ITGAD: variants seen among roughly 807,000 people sequenced by gnomAD.
ITGAD encodes integrin alpha-D.
In ITGAD, 105 loss-of-function variants were observed where a neutral mutation model predicts 139.0. The ratio of observed to expected loss-of-function variants is 0.76; its 90% confidence interval spans 0.65 to 0.89. The LOEUF (loss-of-function observed/expected upper bound fraction) is 0.89, where lower values mean the gene tolerates loss of function less well. Ranked by LOEUF, ITGAD falls within the 40% of genes least tolerant of loss-of-function variation. The pLI, the probability that ITGAD is intolerant of heterozygous loss-of-function variation, is 0.00. For missense variants in ITGAD, 1,384 were observed against 1,487.3 expected (o/e 0.93, Z 1.14); for synonymous variants, 569 against 598.3 (o/e 0.95, Z 0.71).
chr16:31,407,813 C>T lies in ITGAD; in HGVS notation c.906C>T (p.Thr302=). The change falls in exon 9 of 30, where the codon ACC becomes ACT. Residue 302 remains threonine, a synonymous_variant. Transcript: ENST00000389202. ...QGPTARQELN[T]ISSAPPQDHV... ...CCACTGCCAGGCAGGAGCTGAATAC[C>T]ATCAGCTCAGCGCCTCCGCAGGACC... is the stretch of plus-strand genomic sequence containing the variant. 6.2e-7 allele frequency: 1 copy of T among 1,613,816 alleles called. No individual in the cohort carries two copies. The highest frequency in any genetic ancestry group is 8.5e-7 in the Non-Finnish European group (1 of 1,179,732).
In ITGAD at chr16:31,403,641, G is replaced by C. The variant is rs1243769401; in HGVS notation, c.700G>C (p.Val234Leu). ...LTFTATGILT[V>L]VTQLFHHKNG... ...GTTCACGGCCACGGGCATCCTGACA[G>C]TGGTGTAAGCAACCCCGACCCCAGC... The change falls in exon 7 of 30, where the codon GTG becomes CTG. Residue 234 changes from valine to leucine, a missense_variant. Transcript: ENST00000389202. This position sits in a 1 kb window ranked among gnomAD's most constrained non-coding sequence, Gnocchi z 4.4. 2 of 1,614,160 alleles carry C rather than the reference G, an allele frequency of 1.2e-6. No homozygotes were observed. The highest frequency in any genetic ancestry group is 1.7e-6 in the Non-Finnish European group (2 of 1,180,036).
At position 31,412,840 on chromosome 16, in the gene ITGAD, GA is replaced by G. The variant is rs766388986; in HGVS notation, c.1711del (p.Ile571LeufsTer17). ...SGISPSHSQR[I>X]ASSQLSPRLQ... ...TCACCCTTTTCTCTTCTGGCCAGCG[GA>G]TTGCCAGCTCCCAGCTCTCCCCCAG... On this transcript the variant is annotated frameshift_variant, in exon 15 of 30. Transcript: ENST00000389202. LOFTEE classifies it high-confidence loss of function. 2.9e-4 allele frequency: 474 copies of G among 1,613,826 alleles called. No individual in the cohort carries two copies. Among genetic ancestry groups the G allele is most frequent in the Non-Finnish European group, 4.0e-4 (468 of 1,180,026 alleles).
Position 31,402,187 on chromosome 16 carries a change from A to G in ITGAD, c.500A>G (p.Asn167Ser). 1 of 1,606,814 alleles carries G rather than the reference A, an allele frequency of 6.2e-7. No individual in the cohort carries two copies. The highest frequency in any genetic ancestry group is 8.5e-7 in the Non-Finnish European group (1 of 1,175,430). ...GSGSIDQNDF[N>S]QMKGFVQAVM... ...GGAAGCATTGACCAAAATGACTTTAACCAGATGAAGGGCTTTGTCCAAGCT... is the reference window on the plus strand; with the variant it reads ...GGAAGCATTGACCAAAATGACTTTAGCCAGATGAAGGGCTTTGTCCAAGCT... The change falls in exon 6 of 30, where the codon AAC becomes AGC. Residue 167 changes from asparagine (N) to serine (S), a missense_variant. By Grantham distance (46) the Asn-to-Ser change is conservative. Transcript: ENST00000389202.
intron 10 of ITGAD, among the ~76,000 whole-genome samples, chr16:31,409,226 C>T (rs1037768389): frequency 1.3e-5 from 2 of 151,942 alleles, no homozygotes; most frequent in African/African-American, 2.4e-5. Context: ...ACCCAGGAGG[C>T]AGAGGTTGCA....
At chr16:31,412,725 G>T in intron 14 of ITGAD, 113 bp from the exon 15 acceptor site, 2 of 1,343,324 alleles carry the variant, frequency 1.5e-6, no homozygotes, top group Non-Finnish European at 1.0e-6. Context: ...TCTGTTCACA[G>T]CTCACCCCTT....
chr16:31,411,080 G>A lies in ITGAD; in HGVS notation c.1361G>A (p.Gly454Asp), dbSNP rs1567339463. The change falls in exon 13 of 30, where the codon GGC becomes GAC. Residue 454 changes from glycine (G) to aspartate (D), a missense_variant. Transcript: ENST00000389202. The part of the protein sequence containing the change: ...KKAEVTGTQI[G>D]SYFGASLCSV... ...GACCCAGGCTCTGCCCTCCAGATCG[G>A]CTCCTACTTCGGGGCCTCCCTCTGC... is the stretch of plus-strand genomic sequence containing the variant. The A allele has an allele frequency of 3.1e-6, 5 of 1,612,242 alleles. No individual in the cohort carries two copies. Among genetic ancestry groups the A allele is most frequent in the Non-Finnish European group, 4.2e-6 (5 of 1,179,882 alleles).
chr16:31,408,044 T>G, intron 9 of ITGAD, 128 bp downstream of exon 9: 2 of 978,444 alleles, frequency 2.0e-6, no homozygotes, highest in Middle Eastern at 3.4e-4. Context: ...CGATCTCGGC[T>G]CACTGCAACC....
At chr16:31,408,662 G>C in intron 10 of ITGAD, 164 bp downstream of exon 10, 1 of 598,766 alleles carries the variant, frequency 1.7e-6, no homozygotes, top group East Asian at 2.9e-5. Context: ...GCAGGGAGGA[G>C]GGTAGCCTGG....
intron 7 of ITGAD, among the ~76,000 whole-genome samples, chr16:31,406,410 C>T (rs2081541381): frequency 6.6e-6 from 1 of 152,132 alleles, no homozygotes; most frequent in Non-Finnish European, 1.5e-5. Flanking sequence ...CAGCTGTTAT[C>T]TAATTAGTAG....
At position 31,424,595 on chromosome 16, in the gene ITGAD, C is replaced by A. The variant is rs535214004; in HGVS notation, c.3372+18C>A. 3 of 1,450,704 alleles carry A rather than the reference C, an allele frequency of 2.1e-6. No individual in the cohort carries two copies. The highest frequency in any genetic ancestry group is 1.4e-5 in the African/African-American group (1 of 69,150). The allele number at this position is 1,450,704 out of a possible 1,614,324, so 89.9% of individuals were successfully genotyped here. On this transcript the variant is annotated intron_variant, in intron 29 of 29. Transcript: ENST00000389202. ...TGTACAAGGCAAGTGTTTTATCCAACTCTTTTTTTTTTTTTTTTGAGATGG... is the reference window on the plus strand; with the variant it reads ...TGTACAAGGCAAGTGTTTTATCCAAATCTTTTTTTTTTTTTTTTGAGATGG...
intron 5 of ITGAD, among the ~76,000 whole-genome samples, chr16:31,399,061 A>C (rs1489193436): frequency 6.6e-6 from 1 of 152,184 alleles, no homozygotes; most frequent in East Asian, 1.9e-4. Context: ...CAATTTTGTC[A>C]GTGCCCATGT....
rs200809631 is a variant in ITGAD at position 31,411,329 on chromosome 16, G to A, written c.1519G>A (p.Ala507Thr). 28 of 1,613,436 alleles carry A rather than the reference G, an allele frequency of 1.7e-5. No individual in the cohort carries two copies. In the East Asian group the frequency reaches 2.5e-4, roughly 14 times the overall value. The change falls in exon 14 of 30, where the codon GCT becomes ACT. Residue 507 changes from alanine to threonine, a missense_variant. Transcript: ENST00000389202. ...PRGRVQWQCDAVLRGEQGHPW... is the reference protein window; with the variant it reads ...PRGRVQWQCDTVLRGEQGHPW... Reference sequence around the variant, plus strand: ...GCAGAGGGTGCAGTGGCAGTGTGACGCTGTTCTCCGTGGTGAGCAGGGCCA... The same window carrying A: ...GCAGAGGGTGCAGTGGCAGTGTGACACTGTTCTCCGTGGTGAGCAGGGCCA...
chr16:31,408,854 C>G (rs2081606567), intron 10 of ITGAD, among the ~76,000 whole-genome samples: 1 of 152,208 alleles, frequency 6.6e-6, no homozygotes, highest in South Asian at 2.1e-4. Context: ...GTGCCAAGGT[C>G]CTGAGGCAGG....
intron 23 of ITGAD, among the ~76,000 whole-genome samples, chr16:31,421,910 C>T (rs1424608299): frequency 2.6e-5 from 4 of 151,998 alleles, no homozygotes; most frequent in African/African-American, 7.3e-5. Flanking sequence ...GGTGCAGGCC[C>T]CTCTGCTGGT....
In ITGAD at chr16:31,416,611, G is replaced by T; in HGVS notation, c.2464G>T (p.Ala822Ser). The T allele has an allele frequency of 6.2e-7, 1 of 1,612,814 alleles. No individual in the cohort carries two copies. Among genetic ancestry groups the T allele is most frequent in the South Asian group, 1.1e-5 (1 of 91,066 alleles). The change falls in exon 20 of 30, where the codon GCA becomes TCA. Residue 822 changes from alanine (A) to serine (S), a missense_variant. Transcript: ENST00000389202. ...YGTVVSLYYP[A>S]GLSHRRVSGA... The stretch of plus-strand genomic sequence containing the variant: ...AACCGTGGTCAGCCTCTACTATCCA[G>T]CAGGGCTGTCGCACCGACGGGTGTC...
At chr16:31,405,836 T>G (rs1405470253) in intron 7 of ITGAD, among the ~76,000 whole-genome samples, 1 of 151,826 alleles carries the variant, frequency 6.6e-6, no homozygotes. Context: ...AGATATGGGG[T>G]CTTGCTTTAT....
At position 31,397,778 on chromosome 16, in the gene ITGAD, C is replaced by T. The variant is rs996660969; in HGVS notation, c.313-17C>T. Reference sequence around the variant, plus strand: ...GGGGCTGCTAGGGACTCCTGGCTCACAGGCTTCTGCCTCCAGGCCTGTGGC... The same window carrying T: ...GGGGCTGCTAGGGACTCCTGGCTCATAGGCTTCTGCCTCCAGGCCTGTGGC... On this transcript the variant is annotated splice_polypyrimidine_tract_variant and intron_variant, in intron 4 of 29. Transcript: ENST00000389202. The T allele has an allele frequency of 6.2e-7, 1 of 1,609,238 alleles. No homozygotes were observed. The highest frequency in any genetic ancestry group is 8.5e-7 in the Non-Finnish European group (1 of 1,176,700).
At position 31,423,599 on chromosome 16, in the gene ITGAD, C is replaced by T. The variant is rs781691100; in HGVS notation, c.2996C>T (p.Pro999Leu). 1.2e-6 allele frequency: 2 copies of T among 1,614,160 alleles called. No individual in the cohort carries two copies. Among genetic ancestry groups the T allele is most frequent in the East Asian group, 4.5e-5 (2 of 44,886 alleles). Residue 999 changes from proline to leucine, a missense_variant, in exon 26 of 30, where the codon CCT (proline) becomes CTT (leucine). Coordinates refer to ENST00000389202, the MANE Select transcript of ITGAD (RefSeq NM_005353.3). The part of the protein sequence containing the change: ...QSLPCVSERK[P>L]PQHSDFLTQI... ...CTCCCCTGTGTTTCAGAGAGAAAACCTCCCCAGCATTCTGACTTCCTGACC... is the reference window on the plus strand; with the variant it reads ...CTCCCCTGTGTTTCAGAGAGAAAACTTCCCCAGCATTCTGACTTCCTGACC...
At chr16:31,401,257 T>C (rs1168301165) in intron 5 of ITGAD, among the ~76,000 whole-genome samples, 2 of 151,892 alleles carry the variant, frequency 1.3e-5, no homozygotes, top group African/African-American at 4.8e-5. Context: ...AGACTCTGCC[T>C]CAAAAAAACA....
Sources: gnomAD v4.1 joint callset for allele counts (sites outside exome capture counted in the v4.1 genomes callset) on GRCh38, gnomAD v4.1.1 for gene constraint, Gnocchi (gnomAD v3.1) non-coding constraint, MANE v1.5 for transcripts, NCBI Gene and HGNC (gene_info 2026-07-23, HGNC 2026-07-21) for gene names.